The following TIAM2 variants were observed in gnomAD, a reference collection of about 807,000 sequenced individuals.
The protein encoded by TIAM2 is TIAM Rac1 associated GEF 2.
TIAM2 carries 80 observed loss-of-function variants against 152.9 expected under a neutral mutation model. The observed-to-expected ratio is 0.52, with a 90% CI of 0.44 to 0.63. The LOEUF is 0.63. Ranked by LOEUF, TIAM2 falls within the 30% of genes least tolerant of loss-of-function variation. TIAM2 has a pLI of 0.00. For missense variants in TIAM2, 1,965 were observed against 2,120.1 expected (o/e 0.93, Z 1.44); for synonymous variants, 804 against 838.0 (o/e 0.96, Z 0.70).
chr6:155,219,466 G>A (rs1028487530), intron 15 of TIAM2, among the ~76,000 whole-genome samples: 1 of 152,194 alleles, frequency 6.6e-6, no homozygotes, highest in Admixed American at 6.5e-5. Context: ...GTTGGGCGGA[G>A]TGTGGCACCA....
At position 155,257,696 on chromosome 6, in the gene TIAM2, C is replaced by A; in HGVS notation, c.*575C>A. 1 of 950,602 alleles carries A rather than the reference C, an allele frequency of 1.1e-6. No homozygotes were observed. The highest frequency in any genetic ancestry group is 1.5e-5 in the South Asian group (1 of 65,584). The allele number at this position is 950,602 out of a possible 1,614,324, so 58.9% of individuals were successfully genotyped here. A position where few individuals can be genotyped will look rare whatever the true frequency, so the allele number is the denominator to read the frequency against. On this transcript the variant is annotated 3_prime_UTR_variant, in exon 27 of 27. Transcript: ENST00000682666. ...GATGATATTTATTTTCTCTGCCAAG[C>A]TGTATAGTAAAAGGAAAATAAGTCA...
At chr6:155,172,933 C>A (rs1260913283) in intron 9 of TIAM2, among the ~76,000 whole-genome samples, 1 of 151,478 alleles carries the variant, frequency 6.6e-6, no homozygotes, top group African/African-American at 2.4e-5. Context: ...GAGAATATTT[C>A]ATCTGGCTTC....
intron 21 of TIAM2, chr6:155,250,588 G>A (rs1783596919): frequency 6.5e-7 from 1 of 1,535,926 alleles, no homozygotes; most frequent in Non-Finnish European, 8.7e-7. Context: ...CCAGGGGAAA[G>A]CTTACAAAAG....
intron 1 of TIAM2, among the ~76,000 whole-genome samples, chr6:155,028,477 C>CAT (rs1382462533): frequency 8.3e-6 from 1 of 120,638 alleles, no homozygotes; most frequent in Admixed American, 9.1e-5. Context: ...TACTGTGTTA[C>CAT]ATATACTACA....
chr6:155,145,282 GT>G (rs1779795845), intron 6 of TIAM2, among the ~76,000 whole-genome samples: 2 of 152,292 alleles, frequency 1.3e-5, no homozygotes, highest in African/African-American at 4.8e-5. Context: ...GTTATCTACT[GT>G]TAGAATTTTC....
chr6:155,152,178 C>A (rs890210086), intron 7 of TIAM2, among the ~76,000 whole-genome samples: 1 of 152,158 alleles, frequency 6.6e-6, no homozygotes. Flanking sequence ...GTAACTTACA[C>A]CCCTGAGCGG....
At chr6:155,032,437 T>C (rs999221651) in intron 1 of TIAM2, among the ~76,000 whole-genome samples, 2 of 152,188 alleles carry the variant, frequency 1.3e-5, no homozygotes, top group African/African-American at 4.8e-5. Context: ...AAACGGGGAA[T>C]TGAGGCATCT....
rs567026997 is a variant in TIAM2 at position 155,005,377 on chromosome 6, T to C, written c.-209+9885T>C. 1.9e-5 allele frequency: 3 copies of C among 155,888 alleles called. No individual in the cohort carries two copies. In the Admixed American group the frequency reaches 1.9e-4, roughly 10 times the overall value. 9.7% of individuals were successfully genotyped at this position (155,888 alleles called of 1,614,324 possible). Reference sequence around the variant, plus strand: ...ATTTTTGAGATGGAGTCTAGCTCTATTGCCCAGGCTGGAGTACAGTGGCAC... The same window carrying C: ...ATTTTTGAGATGGAGTCTAGCTCTACTGCCCAGGCTGGAGTACAGTGGCAC... On this transcript the variant is annotated intron_variant, in intron 1 of 26. Coordinates refer to ENST00000682666, the MANE Select transcript of TIAM2 (RefSeq NM_012454.4).
At chr6:155,248,815 A>T (rs889624446) in intron 20 of TIAM2, among the ~76,000 whole-genome samples, 6 of 152,232 alleles carry the variant, frequency 3.9e-5, no homozygotes, top group African/African-American at 1.4e-4. Flanking sequence ...TGATTTGTTC[A>T]TATGTTGAAA....
At chr6:155,088,052 C>CTTTTTTTTTTTTTTT (rs113372173) in intron 1 of TIAM2, among the ~76,000 whole-genome samples, 13 of 119,010 alleles carry the variant, frequency 1.1e-4, no homozygotes, top group East Asian at 2.4e-4. Flanking sequence ...TTCTTTCTTT[C>CTTTTTTTTTTTTTTT]TTTTTTTTTT....
chr6:155,255,478 C>A (rs1017169165), intron 26 of TIAM2: 1 of 151,990 alleles, frequency 6.6e-6, no homozygotes, highest in Admixed American at 6.6e-5. Context: ...ATCAGTGTGA[C>A]CTCTTCAGAT....
intron 1 of TIAM2, among the ~76,000 whole-genome samples, chr6:155,090,088 T>C (rs1363789755): frequency 3.9e-5 from 6 of 152,234 alleles, no homozygotes; most frequent in Admixed American, 2.6e-4. Flanking sequence ...CTACAGTAAA[T>C]CTGCTTCTCC....
At chr6:155,233,513 C>A (rs1782581483) in intron 15 of TIAM2, among the ~76,000 whole-genome samples, 1 of 152,102 alleles carries the variant, frequency 6.6e-6, no homozygotes, top group South Asian at 2.1e-4. Context: ...GGTTTATGGG[C>A]TCCTTGAAAA....
chr6:155,139,262 T>A (rs1779632800), intron 5 of TIAM2, among the ~76,000 whole-genome samples: 1 of 152,206 alleles, frequency 6.6e-6, no homozygotes, highest in African/African-American at 2.4e-5. Context: ...CATCATGCCT[T>A]CGTTACCACA....
chr6:155,250,854 A>G lies in TIAM2; in HGVS notation c.3952-59A>G, dbSNP rs574771435. ...GACTGTGTGTACATCACTATCTAAC[A>G]AGAGATCATCTAGCCTGGGATTTCC... is the stretch of plus-strand genomic sequence containing the variant. On this transcript the variant is annotated intron_variant, in intron 21 of 26. Coordinates refer to ENST00000682666, the MANE Select transcript of TIAM2 (RefSeq NM_012454.4). The G allele has an allele frequency of 2.3e-4, 355 of 1,534,142 alleles. 1 individual carries two copies. The African/African-American group carries it at 4.0e-3, about 17-fold the overall frequency.
At chr6:155,033,664 C>A (rs184479215) in intron 1 of TIAM2, among the ~76,000 whole-genome samples, 6 of 151,814 alleles carry the variant, frequency 4.0e-5, no homozygotes, top group Non-Finnish European at 8.8e-5. Flanking sequence ...CTAGAAGTAA[C>A]TTCTGCCATT....
chr6:155,104,775 T>G (rs1010044571), intron 2 of TIAM2, among the ~76,000 whole-genome samples: 3 of 148,680 alleles, frequency 2.0e-5, no homozygotes, highest in South Asian at 2.1e-4. Flanking sequence ...AAAAAAATTA[T>G]AAAGCATACC....
intron 13 of TIAM2, among the ~76,000 whole-genome samples, 160 bp from the exon 14 acceptor site, chr6:155,183,077 G>A (rs1583235147): frequency 6.6e-6 from 1 of 152,188 alleles, no homozygotes; most frequent in Non-Finnish European, 1.5e-5. Context: ...GGGACTACAG[G>A]CACCTGCCAC....
At chr6:155,046,656 A>C (rs1192697113) in intron 1 of TIAM2, among the ~76,000 whole-genome samples, 1 of 152,120 alleles carries the variant, frequency 6.6e-6, no homozygotes, top group African/African-American at 2.4e-5. Context: ...CTTAACAGAC[A>C]GGGAGAATTG....
Sources: allele counts gnomAD v4.1 joint callset (sites outside exome capture counted in the v4.1 genomes callset), GRCh38; gene constraint gnomAD v4.1.1; transcripts MANE v1.5; gene names NCBI Gene and HGNC (gene_info 2026-07-23, HGNC 2026-07-21).